The following NELL1 variants were observed in gnomAD, a reference collection of about 807,000 sequenced individuals.
NELL1 encodes the protein protein kinase C-binding protein NELL1.
A neutral mutation model predicts 107.4 loss-of-function variants in NELL1; 76 were observed. The observed-to-expected ratio is 0.71, with a 90% CI of 0.59 to 0.86. The LOEUF (loss-of-function observed/expected upper bound fraction) is 0.86, where lower values mean the gene tolerates loss of function less well. Among genes scored for constraint, NELL1 ranks in the 40% least tolerant of loss-of-function variants. NELL1 has a pLI of 0.00. For synonymous variants in NELL1, 353 were observed against 341.2 expected, an observed-to-expected ratio of 1.03 and a Z score of -0.38; for missense variants, 1,024 against 1,005.5, an observed-to-expected ratio of 1.02 and a Z score of -0.25.
chr11:21,370,595 T>C (rs541454645), intron 14 of NELL1, among the ~76,000 whole-genome samples: 32 of 152,216 alleles, frequency 2.1e-4, no homozygotes, highest in Non-Finnish European at 3.8e-4. Context: ...GTTATAGCGG[T>C]TACTACTAGC....
At chr11:20,860,212 T>C (rs73454882) in intron 4 of NELL1, among the ~76,000 whole-genome samples, 180 of 152,348 alleles carry the variant, frequency 1.2e-3, no homozygotes, top group African/African-American at 4.1e-3. Flanking sequence ...TTTTACACTT[T>C]TACCATAAAA....
intron 15 of NELL1, among the ~76,000 whole-genome samples, chr11:21,523,638 A>G (rs1368426881): frequency 6.6e-6 from 1 of 152,174 alleles, no homozygotes; most frequent in South Asian, 2.1e-4. Flanking sequence ...CTGTTCAGCT[A>G]TCTCCTCTCC....
rs1042535216 is a variant in NELL1, at chr11:20,934,274, C to G, written c.998-3512C>G. ...TCCAGTGGTGATCCTGAAAGTCATC[C>G]TAAGATAATTTCATAGATACATACA... On this transcript the variant is annotated intron_variant, in intron 9 of 19. Transcript: ENST00000357134. Among the ~76,000 whole-genome samples the G allele has an allele frequency of 2.0e-5, 3 of 152,266 alleles. No individual in the cohort carries two copies. The East Asian group carries it at 5.8e-4, about 29-fold the overall frequency.
At chr11:20,755,883 T>C in intron 2 of NELL1, among the ~76,000 whole-genome samples, 1 of 123,062 alleles carries the variant, frequency 8.1e-6, no homozygotes, top group Admixed American at 7.8e-5. Flanking sequence ...TTTTTTTTTT[T>C]TTTTTTTTTT....
intron 13 of NELL1, among the ~76,000 whole-genome samples, chr11:21,218,687 T>C (rs1857678473): frequency 6.6e-6 from 1 of 152,210 alleles, no homozygotes; most frequent in Non-Finnish European, 1.5e-5. Context: ...GTCTACACTA[T>C]ACTTTTGTGA....
chr11:20,780,976 G>A (rs141248440), intron 2 of NELL1, among the ~76,000 whole-genome samples: 1 of 152,330 alleles, frequency 6.6e-6, no homozygotes, highest in African/African-American at 2.4e-5. Flanking sequence ...GGAAGCCATT[G>A]GAGGATTTTA....
chr11:21,242,999 T>C (rs1211905048), intron 14 of NELL1, among the ~76,000 whole-genome samples: 1 of 152,144 alleles, frequency 6.6e-6, no homozygotes, highest in Non-Finnish European at 1.5e-5. Flanking sequence ...TTGTTAGTGA[T>C]CATTTTTCCC....
intron 13 of NELL1, among the ~76,000 whole-genome samples, chr11:21,202,522 CTTT>C (rs1249210559): frequency 6.6e-6 from 1 of 152,064 alleles, no homozygotes; most frequent in Admixed American, 6.6e-5. Flanking sequence ...CTCATTTCTT[CTTT>C]ATTAGTCTGG....
chr11:21,259,880 A>G (rs1167840607), intron 14 of NELL1, among the ~76,000 whole-genome samples: 1 of 151,946 alleles, frequency 6.6e-6, no homozygotes, highest in African/African-American at 2.4e-5. Context: ...AGTTGTTCTA[A>G]TCATGTTTTA....
intron 12 of NELL1, among the ~76,000 whole-genome samples, chr11:21,110,345 G>T (rs1278110838): frequency 6.6e-6 from 1 of 152,122 alleles, no homozygotes. Flanking sequence ...GCAAGGGTTG[G>T]ATTAAATCCA....
chr11:21,327,570 T>C (rs533374323), intron 14 of NELL1, among the ~76,000 whole-genome samples: 1 of 152,290 alleles, frequency 6.6e-6, no homozygotes, highest in Admixed American at 6.5e-5. Context: ...AACAGACTAA[T>C]ACAGTAAATT....
intron 15 of NELL1, among the ~76,000 whole-genome samples, chr11:21,407,676 A>G (rs1280894449): frequency 6.8e-6 from 1 of 147,688 alleles, no homozygotes; most frequent in Non-Finnish European, 1.5e-5. Context: ...TACCTTATCT[A>G]GTATCTCTCC....
At chr11:21,275,898 T>C (rs886527786) in intron 14 of NELL1, among the ~76,000 whole-genome samples, 3 of 152,146 alleles carry the variant, frequency 2.0e-5, no homozygotes, top group African/African-American at 7.2e-5. Flanking sequence ...ATTGGACATA[T>C]CTCAAAATAA....
intron 15 of NELL1, among the ~76,000 whole-genome samples, chr11:21,396,291 T>C (rs115813027): frequency 1.1e-3 from 174 of 151,782 alleles, no homozygotes; most frequent in African/African-American, 3.7e-3. Flanking sequence ...CACATTTATA[T>C]GATTTCTTAA....
At chr11:21,486,590 G>T (rs1854638460) in intron 15 of NELL1, among the ~76,000 whole-genome samples, 1 of 152,034 alleles carries the variant, frequency 6.6e-6, no homozygotes, top group Non-Finnish European at 1.5e-5. Context: ...ATGACACTTG[G>T]AAAGAGACAC....
At chr11:21,351,687 T>A (rs1322188191) in intron 14 of NELL1, among the ~76,000 whole-genome samples, 2 of 152,088 alleles carry the variant, frequency 1.3e-5, no homozygotes, top group East Asian at 3.9e-4. Context: ...TTCTCTCACA[T>A]CTCCACTTCC....
intron 5 of NELL1, among the ~76,000 whole-genome samples, chr11:20,915,717 A>ATATATATATTTT: frequency 5.2e-5 from 3 of 58,224 alleles, no homozygotes; most frequent in African/African-American, 2.7e-4. Flanking sequence ...ATATATATAT[A>ATATATATATTTT]TTTTTTTTTT....
chr11:21,426,290 GGTTTGT>G (rs1159446452), intron 15 of NELL1, among the ~76,000 whole-genome samples: 1 of 152,106 alleles, frequency 6.6e-6, no homozygotes, highest in Non-Finnish European at 1.5e-5. Flanking sequence ...AATCTACTGG[GGTTTGT>G]TCTGTGTCTC....
chr11:21,225,605 G>A (rs1857874442), intron 13 of NELL1, among the ~76,000 whole-genome samples: 1 of 152,012 alleles, frequency 6.6e-6, no homozygotes, highest in African/African-American at 2.4e-5. Context: ...TGGTTGTTGT[G>A]GTCCTTTGTC....
Sources: gnomAD v4.1 joint callset for allele counts (sites outside exome capture counted in the v4.1 genomes callset) on GRCh38, gnomAD v4.1.1 for gene constraint, MANE v1.5 for transcripts, NCBI Gene and HGNC (gene_info 2026-07-23, HGNC 2026-07-21) for gene names.